Variants in EFNA5 observed in about 807,000 individuals in gnomAD.
EFNA5 encodes the protein ephrin-A5.
A neutral mutation model predicts 22.9 loss-of-function variants in EFNA5; 5 were observed. That is an observed-to-expected ratio of 0.22 (90% CI 0.11 to 0.46). EFNA5 has a LOEUF of 0.46. EFNA5 is among the 20% of genes least tolerant of loss of function. The probability of loss-of-function intolerance (pLI) is 0.99; values close to 1 mark genes in which losing one functional copy is unlikely to be tolerated. For missense variants in EFNA5, 237 were observed against 293.3 expected (o/e 0.81, Z 1.40); for synonymous variants, 113 against 112.2 (o/e 1.01, Z -0.04).
chr5:107,657,243 A>G (rs1002927318), intron 1 of EFNA5, among the ~76,000 whole-genome samples: 4 of 152,160 alleles, frequency 2.6e-5, no homozygotes, highest in African/African-American at 7.2e-5. Context: ...AATCTTAGGT[A>G]TATCAACTCT....
intron 1 of EFNA5, among the ~76,000 whole-genome samples, chr5:107,491,568 C>A (rs918147631): frequency 4.6e-5 from 7 of 152,208 alleles, no homozygotes; most frequent in Non-Finnish European, 8.8e-5. Context: ...GCCTTGGCCT[C>A]CCAAAGTGCT....
intron 1 of EFNA5, among the ~76,000 whole-genome samples, chr5:107,653,082 C>G (rs908249783): frequency 2.0e-5 from 3 of 152,020 alleles, no homozygotes; most frequent in Non-Finnish European, 2.9e-5. Context: ...GGCATCAGAA[C>G]AGGTACCAGG....
chr5:107,402,941 A>C (rs941187143), intron 2 of EFNA5, among the ~76,000 whole-genome samples: 21 of 152,166 alleles, frequency 1.4e-4, no homozygotes, highest in African/African-American at 4.6e-4. Flanking sequence ...GGGGATACGT[A>C]GGCTACTGCA....
chr5:107,467,937 G>C (rs1174556839), intron 1 of EFNA5, among the ~76,000 whole-genome samples: 1 of 152,034 alleles, frequency 6.6e-6, no homozygotes, highest in Non-Finnish European at 1.5e-5. Context: ...GTTTTTCATG[G>C]GAAATTCATA....
At chr5:107,587,739 G>A (rs568760513) in intron 1 of EFNA5, among the ~76,000 whole-genome samples, 3 of 152,050 alleles carry the variant, frequency 2.0e-5, no homozygotes, top group African/African-American at 7.2e-5. Context: ...GGATGGTCTC[G>A]ATCTCCTAAC....
intron 2 of EFNA5, among the ~76,000 whole-genome samples, chr5:107,425,092 C>T (rs115482684): frequency 0.015 from 2,352 of 152,074 alleles, 50 homozygotes; most frequent in African/African-American, 0.053. Context: ...TGACGGAAGC[C>T]CTTGACAGTT....
intron 1 of EFNA5, among the ~76,000 whole-genome samples, chr5:107,636,969 T>C (rs565998398): frequency 1.3e-5 from 2 of 152,346 alleles, no homozygotes; most frequent in East Asian, 3.9e-4. Context: ...AGCTTTCTGG[T>C]TTTATAAGAA....
intron 1 of EFNA5, among the ~76,000 whole-genome samples, chr5:107,460,859 A>G (rs929221052): frequency 3.3e-5 from 5 of 152,316 alleles, no homozygotes; most frequent in African/African-American, 1.2e-4. Flanking sequence ...ACAAGGGAAA[A>G]TAAGCTTGTT....
intron 1 of EFNA5, among the ~76,000 whole-genome samples, chr5:107,449,117 A>T (rs1186018592): frequency 6.6e-6 from 1 of 152,168 alleles, no homozygotes; most frequent in Non-Finnish European, 1.5e-5. Context: ...GAACATGCAG[A>T]AAATAGTCAC....
chr5:107,546,020 G>C (rs1462305658), intron 1 of EFNA5, among the ~76,000 whole-genome samples: 15 of 152,156 alleles, frequency 9.9e-5, no homozygotes, highest in African/African-American at 2.7e-4. Flanking sequence ...AATCAGAAGA[G>C]GAAGAGTGGA....
At chr5:107,458,820 C>T (rs1749761338) in intron 1 of EFNA5, among the ~76,000 whole-genome samples, 3 of 152,090 alleles carry the variant, frequency 2.0e-5, no homozygotes. Context: ...GCAAGAGAAA[C>T]TTTAATCATC....
chr5:107,666,414 C>T (rs148596051), intron 1 of EFNA5, among the ~76,000 whole-genome samples: 96 of 152,220 alleles, frequency 6.3e-4, no homozygotes, highest in African/African-American at 2.2e-3. Flanking sequence ...ATTCACATTA[C>T]TTTCACAACT....
intron 1 of EFNA5, among the ~76,000 whole-genome samples, chr5:107,566,110 CACCTTATGGGCTGGT>C (rs1170554497): frequency 6.6e-6 from 1 of 152,168 alleles, no homozygotes; most frequent in Non-Finnish European, 1.5e-5. Context: ...AGAAAAACTC[CACCTTATGGGCTGGT>C]GGTCCCCTCG....
chr5:107,582,570 C>T (rs1749095223), intron 1 of EFNA5, among the ~76,000 whole-genome samples: 1 of 152,118 alleles, frequency 6.6e-6, no homozygotes. Flanking sequence ...CTGAATTCTG[C>T]TACAGGCCCC....
At chr5:107,650,085 A>G (rs1443497767) in intron 1 of EFNA5, among the ~76,000 whole-genome samples, 2 of 152,210 alleles carry the variant, frequency 1.3e-5, no homozygotes, top group African/African-American at 4.8e-5. Flanking sequence ...AAAAATGCAG[A>G]TAACATATAT....
intron 1 of EFNA5, among the ~76,000 whole-genome samples, chr5:107,549,825 GC>G (rs1314928287): frequency 6.6e-6 from 1 of 152,246 alleles, no homozygotes; most frequent in East Asian, 1.9e-4. Context: ...GGAATGAGCA[GC>G]CACCTTCCCA....
chr5:107,520,447 T>C (rs1168129826), intron 1 of EFNA5, among the ~76,000 whole-genome samples: 3 of 152,226 alleles, frequency 2.0e-5, no homozygotes, highest in Admixed American at 6.5e-5. Context: ...TAAAAAAGCA[T>C]GATCTTGGTT....
intron 1 of EFNA5, among the ~76,000 whole-genome samples, chr5:107,588,401 T>C (rs1345620494): frequency 1.3e-5 from 2 of 152,160 alleles, no homozygotes; most frequent in Non-Finnish European, 2.9e-5. Flanking sequence ...CATCCCCTAT[T>C]TATCCTAGTC....
chr5:107,418,679 G>T (rs1748571729), intron 2 of EFNA5, among the ~76,000 whole-genome samples: 1 of 152,186 alleles, frequency 6.6e-6, no homozygotes, highest in Non-Finnish European at 1.5e-5. Context: ...GAAAAATTCA[G>T]ACAATGGGAA....
Sources: gnomAD v4.1 joint callset for allele counts (sites outside exome capture counted in the v4.1 genomes callset) on GRCh38, gnomAD v4.1.1 for gene constraint, MANE v1.5 for transcripts, NCBI Gene and HGNC (gene_info 2026-07-23, HGNC 2026-07-21) for gene names.